INPP5F: variants seen among roughly 807,000 people sequenced by gnomAD.
The protein encoded by INPP5F is inositol polyphosphate-5-phosphatase F.
Under a neutral mutation model 137.2 loss-of-function variants are expected in INPP5F, and 97 were observed. The ratio of observed to expected loss-of-function variants is 0.71; its 90% CI spans 0.60 to 0.84. INPP5F has a LOEUF of 0.84. Ranked by LOEUF, INPP5F falls within the 40% of genes least tolerant of loss-of-function variation. INPP5F has a pLI of 0.00. For synonymous variants in INPP5F, 504 were observed against 476.9 expected, an observed-to-expected ratio of 1.06 and a Z score of -0.74; for missense variants, 1,271 against 1,371.9, an observed-to-expected ratio of 0.93 and a Z score of 1.16.
chr10:119,826,592 TC>T (rs763705355), intron 19 of INPP5F, 38 bp from the exon 20 acceptor site: 2 of 1,454,716 alleles, frequency 1.4e-6, no homozygotes, highest in Admixed American at 4.5e-5. Flanking sequence ...CATATTGGAT[TC>T]CATGGGGAAT....
intron 2 of INPP5F, among the ~76,000 whole-genome samples, chr10:119,778,151 C>T (rs913145459): frequency 4.6e-5 from 7 of 152,106 alleles, no homozygotes; most frequent in African/African-American, 1.4e-4. Flanking sequence ...GGATTACATA[C>T]GTGCACCACC....
intron 1 of INPP5F, among the ~76,000 whole-genome samples, chr10:119,746,201 C>T (rs1415062915): frequency 6.6e-6 from 1 of 152,210 alleles, no homozygotes; most frequent in East Asian, 1.9e-4. Context: ...TGATGGGACA[C>T]ATACCAGAAC....
At chr10:119,797,345 C>T in intron 7 of INPP5F, 116 bp from the exon 8 acceptor site, 2 of 792,888 alleles carry the variant, frequency 2.5e-6, no homozygotes, top group Non-Finnish European at 4.0e-6. Context: ...TTGGCAGTTG[C>T]ACACTGAATC....
At chr10:119,760,258 G>T (rs1316429559) in intron 2 of INPP5F, among the ~76,000 whole-genome samples, 1 of 152,154 alleles carries the variant, frequency 6.6e-6, no homozygotes, top group Non-Finnish European at 1.5e-5. Context: ...CCATATTAAA[G>T]GTTTGTTTTC....
chr10:119,792,589 T>TA (rs1554890921), intron 6 of INPP5F, among the ~76,000 whole-genome samples: 36 of 150,792 alleles, frequency 2.4e-4, no homozygotes, highest in Non-Finnish European at 4.4e-4. Flanking sequence ...TTTTTTTTTT[T>TA]AACCTTCGCC....
chr10:119,815,690 G>A lies in INPP5F; in HGVS notation c.1886+3735G>A. The A allele has an allele frequency of 1.5e-5, 4 of 272,708 alleles. No homozygotes were observed. In the South Asian group the frequency reaches 2.0e-4, roughly 13 times the overall value. The allele number at this position is 272,708 out of a possible 1,614,324, so 16.9% of individuals were successfully genotyped here. A position where few individuals can be genotyped will look rare whatever the true frequency, so the allele number is the denominator to read the frequency against. ...TCCATCACTAACCAGGACAGCAGGAGTGTCTGAGGGAATGACGTGTTAATT... is the reference window on the plus strand; with the variant it reads ...TCCATCACTAACCAGGACAGCAGGAATGTCTGAGGGAATGACGTGTTAATT... On this transcript the variant is annotated intron_variant, in intron 15 of 19. Coordinates refer to ENST00000650623, the MANE Select transcript of INPP5F (RefSeq NM_014937.4).
At chr10:119,778,000 T>G (rs1225388871) in intron 2 of INPP5F, among the ~76,000 whole-genome samples, 5 of 152,088 alleles carry the variant, frequency 3.3e-5, no homozygotes, top group Non-Finnish European at 5.9e-5. Flanking sequence ...TCCTTTTTAT[T>G]TTTATTATTT....
At chr10:119,755,286 T>C (rs1848807626) in intron 2 of INPP5F, among the ~76,000 whole-genome samples, 1 of 152,230 alleles carries the variant, frequency 6.6e-6, no homozygotes, top group Non-Finnish European at 1.5e-5. Flanking sequence ...AGGTGTTGGC[T>C]GGGTTGGTTC....
At chr10:119,779,808 T>C (rs1849644064) in intron 2 of INPP5F, among the ~76,000 whole-genome samples, 1 of 152,232 alleles carries the variant, frequency 6.6e-6, no homozygotes, top group South Asian at 2.1e-4. Context: ...TAAAACTTTT[T>C]GACTCTTCTG....
At chr10:119,790,552 T>TTC (rs148492125) in intron 3 of INPP5F, among the ~76,000 whole-genome samples, 17 of 152,056 alleles carry the variant, frequency 1.1e-4, no homozygotes, top group African/African-American at 2.2e-4. Flanking sequence ...AAAACAGGGA[T>TTC]TCTCTCTCTC....
intron 1 of INPP5F, among the ~76,000 whole-genome samples, chr10:119,730,437 T>A (rs566509607): frequency 1.3e-5 from 2 of 152,078 alleles, no homozygotes; most frequent in South Asian, 4.1e-4. Flanking sequence ...ACAGGGAAAG[T>A]GATAAAGCAC....
chr10:119,826,063 T>TCCC (rs937107006), intron 19 of INPP5F: 1 of 398,032 alleles, frequency 2.5e-6, no homozygotes, highest in African/African-American at 2.1e-5. Context: ...TACTCCTGTC[T>TCCC]CCCCCCACTA....
chr10:119,784,992 C>CT (rs1849833170), intron 3 of INPP5F, among the ~76,000 whole-genome samples: 1 of 152,180 alleles, frequency 6.6e-6, no homozygotes. Flanking sequence ...CTTCTTTCAC[C>CT]TAGCATAGCT....
intron 18 of INPP5F, among the ~76,000 whole-genome samples, chr10:119,823,588 T>TA (rs3214682): frequency 0.5 from 76,412 of 152,104 alleles, 19,454 homozygotes; most frequent in South Asian, 0.71. Flanking sequence ...AACAAACTTT[T>TA]ATTCCCCGAT....
intron 2 of INPP5F, among the ~76,000 whole-genome samples, chr10:119,758,877 A>G (rs1457849232): frequency 1.3e-5 from 2 of 152,194 alleles, no homozygotes; most frequent in African/African-American, 4.8e-5. Flanking sequence ...TGTTATGCAT[A>G]TGATTTTAAT....
intron 18 of INPP5F, among the ~76,000 whole-genome samples, chr10:119,823,448 G>C (rs891162141): frequency 3.9e-5 from 6 of 152,184 alleles, no homozygotes; most frequent in African/African-American, 1.4e-4. Flanking sequence ...GGCCCCATCA[G>C]TGATCGTATG....
intron 2 of INPP5F, among the ~76,000 whole-genome samples, chr10:119,774,261 CAAAAAAAA>C (rs572329987): frequency 1.2e-5 from 1 of 82,138 alleles, no homozygotes; most frequent in Non-Finnish European, 2.4e-5. Flanking sequence ...ACTCAGTCTC[CAAAAAAAA>C]AAAAAAAAAA....
At chr10:119,745,936 C>T (rs1205145676) in intron 1 of INPP5F, among the ~76,000 whole-genome samples, 1 of 152,002 alleles carries the variant, frequency 6.6e-6, no homozygotes, top group Non-Finnish European at 1.5e-5. Flanking sequence ...AACTCCTGAC[C>T]TGTGATCCGC....
chr10:119,795,825 T>G (rs36060849), intron 6 of INPP5F, among the ~76,000 whole-genome samples: 1 of 152,126 alleles, frequency 6.6e-6, no homozygotes, highest in Non-Finnish European at 1.5e-5. Flanking sequence ...TCTGCAATCC[T>G]GGCACCTCGG....
Sources: gnomAD v4.1 joint callset for allele counts (sites outside exome capture counted in the v4.1 genomes callset) on GRCh38, gnomAD v4.1.1 for gene constraint, MANE v1.5 for transcripts, NCBI Gene and HGNC (gene_info 2026-07-23, HGNC 2026-07-21) for gene names.